Variants in FBXO11 observed in about 807,000 individuals in gnomAD.
FBXO11 encodes the protein F-box protein 11, also known as F-box only protein 11.
In FBXO11, 13 loss-of-function variants were observed where a neutral mutation model predicts 117.0. The observed-to-expected ratio is 0.11, with a 90% confidence interval of 0.07 to 0.18. The LOEUF is 0.18. Among genes scored for constraint, FBXO11 ranks in the 10% least tolerant of loss-of-function variants. FBXO11 has a pLI of 1.00. For missense variants in FBXO11, 767 were observed against 1,164.4 expected, an observed-to-expected ratio of 0.66 and a Z score of 4.97; for synonymous variants, 490 against 380.5, an observed-to-expected ratio of 1.29 and a Z score of -3.35.
rs1415836454 is a variant in FBXO11 at position 47,812,997 on chromosome 2, TA to T, written c.2227+236del. 1.9e-4 allele frequency: 97 copies of T among 514,046 alleles called. No individual in the cohort carries two copies. The East Asian group carries it at 3.4e-3, about 18-fold the overall frequency. The allele number at this position is 514,046 out of a possible 1,614,324, so 31.8% of individuals were successfully genotyped here. A position where few individuals can be genotyped will look rare whatever the true frequency, so the allele number is the denominator to read the frequency against. Reference sequence around the variant, plus strand: ...AGGTCCAGAGAATGTAAACAAATTCTATCTTTAAAAAGGCTTACTGACAACT... The same window carrying T: ...AGGTCCAGAGAATGTAAACAAATTCTTCTTTAAAAAGGCTTACTGACAACT... On this transcript the variant is annotated intron_variant, in intron 18 of 22. Transcript: ENST00000403359.
intron 18 of FBXO11, among the ~76,000 whole-genome samples, chr2:47,811,899 G>A (rs1393289555): frequency 6.6e-6 from 1 of 152,166 alleles, no homozygotes; most frequent in Non-Finnish European, 1.5e-5. Context: ...GAGCCACTGT[G>A]CCCAGTTGGT....
At chr2:47,886,007 A>ACGC (rs780685484) in intron 1 of FBXO11, among the ~76,000 whole-genome samples, 1 of 152,176 alleles carries the variant, frequency 6.6e-6, no homozygotes, top group Non-Finnish European at 1.5e-5. Context: ...TTCAATACTT[A>ACGC]ACCTCATGCA....
intron 1 of FBXO11, among the ~76,000 whole-genome samples, chr2:47,899,022 C>T (rs1677890168): frequency 6.6e-6 from 1 of 151,912 alleles, no homozygotes; most frequent in African/African-American, 2.4e-5. Flanking sequence ...TGCCTGTAAT[C>T]CCAGCACTTT....
At position 47,843,728 on chromosome 2, in the gene FBXO11, G is replaced by GCTTCTTCTTCTT. The variant is rs575495911; in HGVS notation, c.233-3960_233-3959insAAGAAGAAGAAG. Reference sequence around the variant, plus strand: ...CTTTTATGGATTACATTTTAGATTTGCTGCTGCTTCTTCTTCTTCTTCTTC... The same window carrying GCTTCTTCTTCTT: ...CTTTTATGGATTACATTTTAGATTTGCTTCTTCTTCTTCTGCTGCTTCTTCTTCTTCTTCTTC... On this transcript the variant is annotated intron_variant, in intron 1 of 22. Coordinates refer to ENST00000403359, the MANE Select transcript of FBXO11 (RefSeq NM_001190274.2). 9.3e-4 allele frequency among the ~76,000 whole-genome samples: 141 copies of GCTTCTTCTTCTT among 151,782 alleles called. 1 individual carries two copies. Among genetic ancestry groups the GCTTCTTCTTCTT allele is most frequent in the African/African-American group, 3.3e-3 (137 of 41,372 alleles).
intron 1 of FBXO11, among the ~76,000 whole-genome samples, chr2:47,854,811 A>T (rs998308024): frequency 6.6e-6 from 1 of 151,656 alleles, no homozygotes; most frequent in Non-Finnish European, 1.5e-5. Context: ...GTCAAAGAAA[A>T]GTCTTTGAAT....
Position 47,905,566 on chromosome 2 carries a change from TGCTGCTGCG to T in FBXO11, c.146_154del (p.Pro49_Gln51del). 1 of 1,251,072 alleles carries T rather than the reference TGCTGCTGCG, an allele frequency of 8.0e-7. No individual in the cohort carries two copies. Among genetic ancestry groups the T allele is most frequent in the South Asian group, 3.4e-5 (1 of 29,786 alleles). The allele number at this position is 1,251,072 out of a possible 1,614,324, so 77.5% of individuals were successfully genotyped here. A position where few individuals can be genotyped will look rare whatever the true frequency, so the allele number is the denominator to read the frequency against. ...CGGCGGCGGAGGCTGCTGCTGCTGCTGCTGCTGCGGCGGCGGCGGAGGCTGCTGCTGGGG... is the reference window on the plus strand; with the variant it reads ...CGGCGGCGGAGGCTGCTGCTGCTGCTGCGGCGGCGGAGGCTGCTGCTGGGG... On this transcript the variant is annotated inframe_deletion, in exon 1 of 23. Coordinates refer to ENST00000403359, the MANE Select transcript of FBXO11 (RefSeq NM_001190274.2).
At chr2:47,905,121 A>G (rs1354727267) in intron 1 of FBXO11, 7 of 165,788 alleles carry the variant, frequency 4.2e-5, no homozygotes, top group Non-Finnish European at 9.1e-5. Context: ...TAAACCATGG[A>G]AGGCGGCAGA....
chr2:47,859,537 A>G (rs759016032), intron 1 of FBXO11, among the ~76,000 whole-genome samples: 3 of 152,358 alleles, frequency 2.0e-5, no homozygotes, highest in Admixed American at 6.5e-5. Flanking sequence ...CAAAAAGAGT[A>G]TATTTCCATA....
intron 1 of FBXO11, among the ~76,000 whole-genome samples, chr2:47,877,020 A>C (rs149522339): frequency 4.0e-3 from 607 of 151,622 alleles, no homozygotes; most frequent in Admixed American, 7.0e-3. Context: ...TACACATCTA[A>C]TGACATCTTA....
intron 1 of FBXO11, among the ~76,000 whole-genome samples, chr2:47,842,762 A>G (rs933563673): frequency 1.9e-4 from 29 of 150,674 alleles, no homozygotes; most frequent in Admixed American, 6.1e-4. Context: ...ACTTGGAAAA[A>G]CAAGTAAATT....
intron 19 of FBXO11, 107 bp from the exon 20 acceptor site, chr2:47,809,814 C>G: frequency 1.5e-6 from 1 of 683,364 alleles, no homozygotes; most frequent in Non-Finnish European, 2.5e-6. Flanking sequence ...AGTACATTAA[C>G]CCTCTTAATG....
At chr2:47,849,259 A>C (rs984816847) in intron 1 of FBXO11, among the ~76,000 whole-genome samples, 3 of 152,230 alleles carry the variant, frequency 2.0e-5, no homozygotes, top group Admixed American at 2.0e-4. Context: ...CCAAAAGTAA[A>C]GTTATAATTA....
chr2:47,901,131 GTATATATATACACACGTGTGTACATA>G (rs1558488450), intron 1 of FBXO11, among the ~76,000 whole-genome samples: 1 of 105,650 alleles, frequency 9.5e-6, no homozygotes, highest in Non-Finnish European at 2.1e-5. Context: ...GTGTGTACAT[GTATATATATACACACGTGTGTACATA>G]TATACATATA....
intron 1 of FBXO11, among the ~76,000 whole-genome samples, chr2:47,871,516 C>T (rs532357490): frequency 1.3e-5 from 2 of 152,236 alleles, no homozygotes; most frequent in African/African-American, 2.4e-5. Flanking sequence ...TTTTCTTCCC[C>T]TCAAACTAAT....
At chr2:47,825,278 T>A (rs377688506) in intron 11 of FBXO11, among the ~76,000 whole-genome samples, 1 of 152,184 alleles carries the variant, frequency 6.6e-6, no homozygotes, top group South Asian at 2.1e-4. Context: ...TATAACCTTA[T>A]TCTTTTTTAA....
intron 1 of FBXO11, among the ~76,000 whole-genome samples, chr2:47,892,042 A>T (rs1349580235): frequency 6.6e-6 from 1 of 152,168 alleles, no homozygotes; most frequent in Non-Finnish European, 1.5e-5. Flanking sequence ...TATGGTTTGC[A>T]AATATTTTCT....
In FBXO11 at chr2:47,869,805, T is replaced by C. The variant is rs140604114; in HGVS notation, c.233-30036A>G. On this transcript the variant is annotated intron_variant, in intron 1 of 22. Coordinates refer to ENST00000403359, the MANE Select transcript of FBXO11 (RefSeq NM_001190274.2). ...AGTACACTTTTGGTCATAAACAGGA[T>C]AGTCATATCCTATTAGGTGGAAGTA... Among the ~76,000 whole-genome samples, 7 of 152,322 alleles carry C rather than the reference T, an allele frequency of 4.6e-5. No individual in the cohort carries two copies. In the East Asian group the frequency reaches 1.2e-3, roughly 25 times the overall value.
At chr2:47,809,307 T>C (rs911047192) in intron 20 of FBXO11, 41 bp from the exon 21 acceptor site, 1 of 1,309,258 alleles carries the variant, frequency 7.6e-7, no homozygotes, top group Non-Finnish European at 1.1e-6. Flanking sequence ...CAGAGGAATG[T>C]TAATATTTTA....
Position 47,834,715 on chromosome 2 carries a change from GA to G in FBXO11, c.802-5del. 6.2e-7 allele frequency: 1 copy of G among 1,606,034 alleles called. No individual in the cohort carries two copies. Among genetic ancestry groups the G allele is most frequent in the South Asian group, 1.1e-5 (1 of 89,574 alleles). On this transcript the variant is annotated splice_region_variant and splice_polypyrimidine_tract_variant and intron_variant, in intron 6 of 22. Transcript: ENST00000403359. The stretch of plus-strand genomic sequence containing the variant: ...CATCTTCAATAGTATCATAATACTA[GA>G]AAAAAATAAATGTGTCAGTACAGAA...
Sources: allele counts gnomAD v4.1 joint callset (sites outside exome capture counted in the v4.1 genomes callset), GRCh38; gene constraint gnomAD v4.1.1; transcripts MANE v1.5; gene names NCBI Gene and HGNC (gene_info 2026-07-23, HGNC 2026-07-21).